Variants in PPP1R14C observed in about 807,000 individuals in gnomAD.
PPP1R14C encodes the protein protein phosphatase 1 regulatory subunit 14C.
A neutral mutation model predicts 20.4 loss-of-function variants in PPP1R14C; 16 were observed. The ratio of observed to expected loss-of-function variants is 0.78; its 90% CI spans 0.53 to 1.19. The LOEUF (loss-of-function observed/expected upper bound fraction) is 1.19. Ranked by LOEUF, PPP1R14C falls within the 50% of genes most tolerant of loss-of-function variation. PPP1R14C has a pLI of 0.00. For synonymous variants in PPP1R14C, 91 were observed against 91.0 expected (o/e 1.00, Z 0.00); for missense variants, 211 against 220.1 (o/e 0.96, Z 0.26).
intron 1 of PPP1R14C, among the ~76,000 whole-genome samples, chr6:150,180,204 AAAAC>A (rs1336878464): frequency 2.0e-5 from 3 of 152,252 alleles, no homozygotes; most frequent in Non-Finnish European, 2.9e-5. Flanking sequence ...TCCATTTCAA[AAAAC>A]AAACAAACAA....
intron 3 of PPP1R14C, among the ~76,000 whole-genome samples, chr6:150,227,151 T>G (rs1004736767): frequency 7.2e-5 from 11 of 152,258 alleles, no homozygotes; most frequent in African/African-American, 2.2e-4. Context: ...TGCATTGAGC[T>G]GTTTACAGTG....
intron 1 of PPP1R14C, among the ~76,000 whole-genome samples, chr6:150,149,101 T>C (rs148281548): frequency 6.6e-6 from 1 of 152,118 alleles, no homozygotes; most frequent in Non-Finnish European, 1.5e-5. Flanking sequence ...GAATTCTAAA[T>C]TGCCAAAGGA....
At chr6:150,165,525 T>C (rs1777413322) in intron 1 of PPP1R14C, among the ~76,000 whole-genome samples, 1 of 152,260 alleles carries the variant, frequency 6.6e-6, no homozygotes, top group Admixed American at 6.5e-5. Context: ...AGTCATGCAA[T>C]AAATATCTTT....
chr6:150,246,664 AG>A (rs1332766291), intron 3 of PPP1R14C, among the ~76,000 whole-genome samples: 2 of 152,204 alleles, frequency 1.3e-5, no homozygotes, highest in Admixed American at 1.3e-4. Flanking sequence ...AGCTCTCCAA[AG>A]GGAATAATCC....
chr6:150,156,024 C>CAAAAAAAAAAAA (rs67908012), intron 1 of PPP1R14C, among the ~76,000 whole-genome samples: 16 of 38,420 alleles, frequency 4.2e-4, no homozygotes, highest in Non-Finnish European at 5.6e-4. Flanking sequence ...GACTCTGTCT[C>CAAAAAAAAAAAA]AAAAAAAAAA....
intron 3 of PPP1R14C, among the ~76,000 whole-genome samples, chr6:150,240,014 A>T (rs528520374): frequency 1.6e-4 from 24 of 152,290 alleles, no homozygotes; most frequent in African/African-American, 5.8e-4. Context: ...AGATTGTGCC[A>T]CTGCACTCCA....
intron 3 of PPP1R14C, among the ~76,000 whole-genome samples, chr6:150,246,525 A>T (rs1778494733): frequency 6.6e-6 from 1 of 152,230 alleles, no homozygotes; most frequent in Non-Finnish European, 1.5e-5. Flanking sequence ...AAAATTATTT[A>T]AATCAGAATA....
intron 1 of PPP1R14C, among the ~76,000 whole-genome samples, chr6:150,175,841 T>C (rs1777555859): frequency 6.6e-6 from 1 of 152,236 alleles, no homozygotes; most frequent in Admixed American, 6.5e-5. Flanking sequence ...CTGGCCTGTT[T>C]GGGAAAATGC....
At chr6:150,167,701 G>C (rs932593666) in intron 1 of PPP1R14C, among the ~76,000 whole-genome samples, 10 of 152,114 alleles carry the variant, frequency 6.6e-5, no homozygotes, top group African/African-American at 2.4e-4. Context: ...GTATAAGGCA[G>C]AGAGCTCTGA....
At chr6:150,149,677 A>G (rs1317931071) in intron 1 of PPP1R14C, among the ~76,000 whole-genome samples, 1 of 152,122 alleles carries the variant, frequency 6.6e-6, no homozygotes, top group East Asian at 1.9e-4. Flanking sequence ...GACACCAAGC[A>G]TAGTACTTAG....
chr6:150,210,158 G>C (rs1778004599), intron 1 of PPP1R14C, among the ~76,000 whole-genome samples: 1 of 152,176 alleles, frequency 6.6e-6, no homozygotes, highest in South Asian at 2.1e-4. Context: ...GCGCTTCCCA[G>C]TGCAGTGGCA....
At chr6:150,149,412 A>G (rs1417656523) in intron 1 of PPP1R14C, among the ~76,000 whole-genome samples, 1 of 143,744 alleles carries the variant, frequency 7.0e-6, no homozygotes, top group African/African-American at 2.6e-5. Context: ...TGCATCGTTG[A>G]CCACCCAGGC....
intron 1 of PPP1R14C, among the ~76,000 whole-genome samples, chr6:150,154,284 G>T (rs1269800641): frequency 6.6e-6 from 1 of 152,198 alleles, no homozygotes; most frequent in African/African-American, 2.4e-5. Flanking sequence ...GCCAGGGCAG[G>T]ATGTATGCTT....
intron 3 of PPP1R14C, among the ~76,000 whole-genome samples, chr6:150,226,557 C>T (rs1027034125): frequency 6.6e-6 from 1 of 152,112 alleles, no homozygotes; most frequent in Non-Finnish European, 1.5e-5. Flanking sequence ...ACAGAAAATG[C>T]ATTTAATGTG....
intron 3 of PPP1R14C, among the ~76,000 whole-genome samples, chr6:150,239,021 C>T (rs969107369): frequency 2.0e-5 from 3 of 152,126 alleles, no homozygotes; most frequent in African/African-American, 7.2e-5. Flanking sequence ...GGGAGTTCCT[C>T]ATTGATCCTC....
intron 3 of PPP1R14C, among the ~76,000 whole-genome samples, chr6:150,219,877 C>T (rs1159134757): frequency 6.6e-6 from 1 of 151,572 alleles, no homozygotes; most frequent in Non-Finnish European, 1.5e-5. Flanking sequence ...TGTTTTTGAA[C>T]AGAGTCTTGC....
At chr6:150,160,912 G>A (rs572684570) in intron 1 of PPP1R14C, among the ~76,000 whole-genome samples, 1 of 152,172 alleles carries the variant, frequency 6.6e-6, no homozygotes, top group African/African-American at 2.4e-5. Flanking sequence ...TATCTTGTAT[G>A]TTTCCTGCCC....
At chr6:150,173,570 T>C (rs565277901) in intron 1 of PPP1R14C, among the ~76,000 whole-genome samples, 1 of 152,330 alleles carries the variant, frequency 6.6e-6, no homozygotes, top group African/African-American at 2.4e-5. Flanking sequence ...GGTCTTGCAC[T>C]ACTTTCCAAT....
chr6:150,143,093 G>T lies in PPP1R14C; in HGVS notation c.-100G>T. 8.8e-7 allele frequency: 1 copy of T among 1,132,026 alleles called. No individual in the cohort carries two copies. The highest frequency in any genetic ancestry group is 4.4e-5 in the South Asian group (1 of 22,904). The allele number at this position is 1,132,026 out of a possible 1,614,324, so 70.1% of individuals were successfully genotyped here. ...CGCGGCGCAGAGCAGGTGCCGGGGA[G>T]CCCTTCGCATGCGGCTGCCGGGCCG... On this transcript the variant is annotated 5_prime_UTR_variant, in exon 1 of 4. Transcript: ENST00000361131. This position sits in a 1 kb window ranked among gnomAD's most constrained non-coding sequence, Gnocchi z 5.6.
Sources: gnomAD v4.1 joint callset for allele counts (sites outside exome capture counted in the v4.1 genomes callset) on GRCh38, gnomAD v4.1.1 for gene constraint, Gnocchi (gnomAD v3.1) non-coding constraint, MANE v1.5 for transcripts, NCBI Gene and HGNC (gene_info 2026-07-23, HGNC 2026-07-21) for gene names.